The following SCNN1G variants were observed in gnomAD, a reference collection of about 807,000 sequenced individuals.
SCNN1G encodes the protein sodium channel epithelial 1 subunit gamma, also known as epithelial sodium channel subunit gamma.
In SCNN1G, 27 loss-of-function variants were observed where a neutral mutation model predicts 64.6. That is an observed-to-expected ratio of 0.42 (90% CI 0.31 to 0.58). The LOEUF is 0.58. Ranked by LOEUF, SCNN1G falls within the 20% of genes least tolerant of loss-of-function variation. The pLI, the probability that SCNN1G is intolerant of heterozygous loss-of-function variation, is 0.18. For missense variants in SCNN1G, 743 were observed against 823.4 expected (o/e 0.90, Z 1.19); for synonymous variants, 330 against 314.2 (o/e 1.05, Z -0.53).
rs149726642 is a variant in SCNN1G, at chr16:23,195,225, A to G, written c.913+951A>G. Among the ~76,000 whole-genome samples, 339 of 152,296 alleles carry G rather than the reference A, an allele frequency of 2.2e-3. 2 individuals carry two copies. The highest frequency in any genetic ancestry group is 0.01 in the Middle Eastern group (3 of 294). Reference sequence around the variant, plus strand: ...AATTCAGCCATAACACATACCAAGCACACAATAAGTGCTAGTTGCTATTGT... The same window carrying G: ...AATTCAGCCATAACACATACCAAGCGCACAATAAGTGCTAGTTGCTATTGT... On this transcript the variant is annotated intron_variant, in intron 5 of 12. Coordinates refer to ENST00000300061, the MANE Select transcript of SCNN1G (RefSeq NM_001039.4).
intron 2 of SCNN1G, among the ~76,000 whole-genome samples, chr16:23,187,767 T>A (rs906695373): frequency 2.0e-5 from 3 of 152,208 alleles, no homozygotes; most frequent in Non-Finnish European, 4.4e-5. Flanking sequence ...CGGCAGGACC[T>A]GTTCTAAATG....
At chr16:23,197,471 C>G (rs200086174) in intron 6 of SCNN1G, 44 bp downstream of exon 6, 19 of 1,558,910 alleles carry the variant, frequency 1.2e-5, no homozygotes, top group Non-Finnish European at 1.7e-5. Flanking sequence ...GAGAACAGAT[C>G]TTTTTTTTTC....
intron 11 of SCNN1G, among the ~76,000 whole-genome samples, chr16:23,213,997 C>T (rs185487057): frequency 6.6e-6 from 1 of 152,334 alleles, no homozygotes; most frequent in Non-Finnish European, 1.5e-5. Flanking sequence ...TGTTTTGTAG[C>T]ACCAAACAGC....
chr16:23,195,496 G>A (rs942364393), intron 5 of SCNN1G, among the ~76,000 whole-genome samples: 5 of 152,194 alleles, frequency 3.3e-5, no homozygotes, highest in Non-Finnish European at 7.3e-5. Context: ...ACAAGGGAGG[G>A]CCTGTCATAA....
intron 1 of SCNN1G, among the ~76,000 whole-genome samples, chr16:23,185,341 A>G (rs1959589190): frequency 6.6e-6 from 1 of 152,222 alleles, no homozygotes; most frequent in African/African-American, 2.4e-5. Context: ...ACATGAAATG[A>G]GTTTTTATGT....
At chr16:23,208,005 G>A (rs527693368) in intron 6 of SCNN1G, among the ~76,000 whole-genome samples, 1 of 152,212 alleles carries the variant, frequency 6.6e-6, no homozygotes. Flanking sequence ...ACATGGGCAC[G>A]TGGATGCACA....
intron 7 of SCNN1G, 27 bp downstream of exon 7, chr16:23,209,875 C>T: frequency 6.5e-7 from 1 of 1,548,262 alleles, no homozygotes; most frequent in Non-Finnish European, 8.9e-7. Flanking sequence ...GGCACCCAGC[C>T]CTGGGTTTAT....
At chr16:23,183,803 C>T (rs375315499) in intron 1 of SCNN1G, among the ~76,000 whole-genome samples, 2 of 152,112 alleles carry the variant, frequency 1.3e-5, no homozygotes, top group South Asian at 4.1e-4. Flanking sequence ...TGCTGCTTTC[C>T]CTGCTGCTGT....
chr16:23,215,020 C>G, intron 12 of SCNN1G, 69 bp from the exon 13 acceptor site: 3 of 1,587,230 alleles, frequency 1.9e-6, no homozygotes, highest in South Asian at 2.2e-5. Flanking sequence ...CCTTGGGAAT[C>G]AGGGTTCCTG....
rs1327296080 is a variant in SCNN1G, at chr16:23,215,187, C to T, written c.1668C>T (p.Asp556=). The part of the protein sequence containing the change: ...VIEIIEVFFI[D]FFSIIARRQW... The stretch of plus-strand genomic sequence containing the variant: ...AGATCATCGAGGTCTTCTTCATTGA[C>T]TTCTTCTCTATCATTGCCCGCCGCC... Residue 556 remains aspartate, a synonymous_variant, in exon 13 of 13, where the codon GAC becomes GAT. Coordinates refer to ENST00000300061, the MANE Select transcript of SCNN1G (RefSeq NM_001039.4). 6.2e-7 allele frequency: 1 copy of T among 1,614,078 alleles called. No individual in the cohort carries two copies. Among genetic ancestry groups the T allele is most frequent in the Non-Finnish European group, 8.5e-7 (1 of 1,180,050 alleles).
chr16:23,206,324 C>A (rs1326188213), intron 6 of SCNN1G, among the ~76,000 whole-genome samples: 1 of 152,174 alleles, frequency 6.6e-6, no homozygotes, highest in African/African-American at 2.4e-5. Flanking sequence ...CTCAAGGTTG[C>A]AAGAAGGTGG....
intron 4 of SCNN1G, among the ~76,000 whole-genome samples, chr16:23,192,919 C>G (rs1031538190): frequency 6.6e-6 from 1 of 151,118 alleles, no homozygotes; most frequent in African/African-American, 2.4e-5. Flanking sequence ...AAATACAAAA[C>G]TTAGCCAGGC....
chr16:23,213,250 C>CACT, intron 11 of SCNN1G, 87 bp downstream of exon 11: 3 of 771,248 alleles, frequency 3.9e-6, no homozygotes, highest in Non-Finnish European at 6.4e-6. Context: ...TGGCCAAATC[C>CACT]TCTTTTTTTT....
At chr16:23,186,182 G>A in intron 1 of SCNN1G, 46 bp from the exon 2 acceptor site, 2 of 1,265,934 alleles carry the variant, frequency 1.6e-6, no homozygotes, top group Non-Finnish European at 2.3e-6. Context: ...CACACTAGCC[G>A]GCTAGTGCCT....
chr16:23,201,090 G>A (rs1181403812), intron 6 of SCNN1G, among the ~76,000 whole-genome samples: 1 of 152,214 alleles, frequency 6.6e-6, no homozygotes, highest in East Asian at 1.9e-4. Flanking sequence ...GACTTGAAAA[G>A]ACTTTTTTAA....
intron 1 of SCNN1G, among the ~76,000 whole-genome samples, chr16:23,183,771 A>T (rs1475044005): frequency 6.6e-6 from 1 of 152,218 alleles, no homozygotes; most frequent in Non-Finnish European, 1.5e-5. Flanking sequence ...GAAAGGGATC[A>T]ATAAGTGATA....
intron 11 of SCNN1G, among the ~76,000 whole-genome samples, chr16:23,214,502 T>G (rs998181418): frequency 6.6e-6 from 1 of 152,202 alleles, no homozygotes; most frequent in Non-Finnish European, 1.5e-5. Context: ...GGAGCAGTTC[T>G]TGAGTGAATG....
chr16:23,211,214 CA>C (rs1248497573), intron 7 of SCNN1G, among the ~76,000 whole-genome samples: 3 of 152,150 alleles, frequency 2.0e-5, no homozygotes, highest in Non-Finnish European at 4.4e-5. Flanking sequence ...TGCATGATGC[CA>C]AACAGCAGAA....
At chr16:23,211,890 C>A in intron 7 of SCNN1G, 144 bp from the exon 8 acceptor site, 12 of 743,584 alleles carry the variant, frequency 1.6e-5, no homozygotes, top group Non-Finnish European at 3.0e-5. Flanking sequence ...CGGGACCATG[C>A]CCAGCCCAGT....
Sources: allele counts gnomAD v4.1 joint callset (sites outside exome capture counted in the v4.1 genomes callset), GRCh38; gene constraint gnomAD v4.1.1; transcripts MANE v1.5; gene names NCBI Gene and HGNC (gene_info 2026-07-23, HGNC 2026-07-21).